TOX2: variants seen among roughly 807,000 people sequenced by gnomAD.
The protein encoded by TOX2 is granulosa cell HMG box 1.
In TOX2, 15 loss-of-function variants were observed where a neutral mutation model predicts 47.4. The observed-to-expected ratio is 0.32, with a 90% CI of 0.21 to 0.49. The LOEUF (loss-of-function observed/expected upper bound fraction) is 0.49, where lower values mean the gene tolerates loss of function less well. Among genes scored for constraint, TOX2 ranks in the 20% least tolerant of loss-of-function variants. The pLI, the probability that TOX2 is intolerant of heterozygous loss-of-function variation, is 0.99. For synonymous variants in TOX2, 290 were observed against 296.6 expected (o/e 0.98, Z 0.23); for missense variants, 622 against 673.1 (o/e 0.92, Z 0.84).
intron 3 of TOX2, among the ~76,000 whole-genome samples, chr20:44,020,639 C>T (rs1490862617): frequency 2.6e-5 from 4 of 152,112 alleles, no homozygotes. Context: ...AGCAGCATTG[C>T]CTGGGGACCT....
intron 8 of TOX2, among the ~76,000 whole-genome samples, chr20:44,067,625 C>T (rs1411669259): frequency 6.6e-6 from 1 of 152,102 alleles, no homozygotes; most frequent in African/African-American, 2.4e-5. Flanking sequence ...CCTCCTGTCT[C>T]AGGCCTCTGT....
chr20:44,052,798 C>T (rs1284356878), intron 4 of TOX2, among the ~76,000 whole-genome samples: 2 of 152,172 alleles, frequency 1.3e-5, no homozygotes, highest in Non-Finnish European at 2.9e-5. Flanking sequence ...GATTCAAACC[C>T]AGGAGGCTGC....
chr20:44,050,423 A>G (rs892028003), intron 3 of TOX2, among the ~76,000 whole-genome samples: 12 of 152,236 alleles, frequency 7.9e-5, no homozygotes, highest in African/African-American at 2.9e-4. Context: ...CAGATACTTG[A>G]TGTTTGTTAG....
chr20:43,960,090 G>C (rs752331586), intron 1 of TOX2, among the ~76,000 whole-genome samples: 1 of 152,204 alleles, frequency 6.6e-6, no homozygotes, highest in Non-Finnish European at 1.5e-5. Context: ...AACTTACCTT[G>C]TGAGGTTGTC....
intron 1 of TOX2, among the ~76,000 whole-genome samples, chr20:43,965,370 A>C (rs1184939017): frequency 6.6e-6 from 1 of 152,156 alleles, no homozygotes; most frequent in African/African-American, 2.4e-5. Context: ...GAGAATAGGA[A>C]GGTTTTATTC....
At chr20:44,042,462 A>G (rs1569126900) in intron 3 of TOX2, among the ~76,000 whole-genome samples, 5 of 152,200 alleles carry the variant, frequency 3.3e-5, no homozygotes, top group African/African-American at 1.2e-4. Context: ...TTCTCCCAAA[A>G]CTCCAAGGGA....
chr20:43,961,052 TAGG>T (rs1175369271), intron 1 of TOX2, among the ~76,000 whole-genome samples: 1 of 152,250 alleles, frequency 6.6e-6, no homozygotes, highest in African/African-American at 2.4e-5. Flanking sequence ...AGGCTGGTCT[TAGG>T]AGCCAGACAT....
intron 3 of TOX2, among the ~76,000 whole-genome samples, chr20:44,018,410 G>A (rs114856523): frequency 1.3e-5 from 2 of 152,220 alleles, no homozygotes; most frequent in Admixed American, 6.5e-5. Flanking sequence ...AGGGAAAATC[G>A]CAGCGACATT....
At chr20:44,065,382 C>T (rs1286210156) in intron 6 of TOX2, among the ~76,000 whole-genome samples, 1 of 152,122 alleles carries the variant, frequency 6.6e-6, no homozygotes, top group Non-Finnish European at 1.5e-5. Context: ...GGTTCAAAGT[C>T]AAGGGAAAAA....
chr20:44,031,889 G>A (rs528506896), intron 3 of TOX2, among the ~76,000 whole-genome samples: 26 of 151,720 alleles, frequency 1.7e-4, no homozygotes, highest in African/African-American at 5.1e-4. Context: ...ACCAGCAGGC[G>A]CTGGTCTAGA....
intron 1 of TOX2, among the ~76,000 whole-genome samples, chr20:43,963,099 G>T (rs1410400717): frequency 1.3e-5 from 2 of 152,092 alleles, no homozygotes; most frequent in East Asian, 1.9e-4. Flanking sequence ...CAGAAGCCAC[G>T]TGTGGTAAGC....
At chr20:44,030,007 A>G (rs955515256) in intron 3 of TOX2, among the ~76,000 whole-genome samples, 9 of 151,306 alleles carry the variant, frequency 5.9e-5, no homozygotes, top group African/African-American at 2.2e-4. Context: ...CCTTTATAGG[A>G]CTCTCCCGAT....
intron 3 of TOX2, among the ~76,000 whole-genome samples, chr20:44,029,149 C>T (rs1434276318): frequency 2.0e-5 from 3 of 152,362 alleles, no homozygotes; most frequent in Middle Eastern, 3.4e-3. Context: ...CAGCAAGCCT[C>T]GCCCTCCAGC....
intron 1 of TOX2, among the ~76,000 whole-genome samples, chr20:43,965,179 G>T (rs983603332): frequency 6.6e-6 from 1 of 152,176 alleles, no homozygotes; most frequent in South Asian, 2.1e-4. Flanking sequence ...TCTGAGACTG[G>T]CTGGCTGTCT....
intron 5 of TOX2, among the ~76,000 whole-genome samples, chr20:44,059,691 T>C (rs948325740): frequency 6.6e-6 from 1 of 152,136 alleles, no homozygotes; most frequent in Non-Finnish European, 1.5e-5. Flanking sequence ...AGTTCTTTTT[T>C]TCAAAGCAAT....
intron 3 of TOX2, among the ~76,000 whole-genome samples, chr20:44,040,185 C>G (rs1396466926): frequency 6.6e-6 from 1 of 152,194 alleles, no homozygotes; most frequent in Non-Finnish European, 1.5e-5. Context: ...TTAAGCAAAA[C>G]ACGTTTTGAG....
chr20:43,936,237 T>C (rs143171245), intron 1 of TOX2, among the ~76,000 whole-genome samples: 1 of 152,302 alleles, frequency 6.6e-6, no homozygotes, highest in East Asian at 1.9e-4. Context: ...GTCTGAACTT[T>C]CCTGATCCCA....
At chr20:43,946,909 T>C (rs2069482899) in intron 1 of TOX2, among the ~76,000 whole-genome samples, 1 of 152,168 alleles carries the variant, frequency 6.6e-6, no homozygotes, top group Admixed American at 6.5e-5. Context: ...TCACAGCCAT[T>C]GTTGAAATCT....
intron 3 of TOX2, among the ~76,000 whole-genome samples, chr20:44,019,730 C>T (rs2070946959): frequency 6.6e-6 from 1 of 152,172 alleles, no homozygotes; most frequent in African/African-American, 2.4e-5. Flanking sequence ...TTCCTGTCAT[C>T]CCGGAAACTG....
Sources: gnomAD v4.1 joint callset for allele counts (sites outside exome capture counted in the v4.1 genomes callset) on GRCh38, gnomAD v4.1.1 for gene constraint, MANE v1.5 for transcripts, NCBI Gene and HGNC (gene_info 2026-07-23, HGNC 2026-07-21) for gene names.